Variants in CATSPERB observed in about 807,000 individuals in gnomAD.
CATSPERB encodes cation channel sperm-associated auxiliary subunit beta.
CATSPERB carries 93 observed loss-of-function variants against 128.3 expected under a neutral mutation model. That is an observed-to-expected ratio of 0.72 (90% CI 0.61 to 0.86). The LOEUF is 0.86. CATSPERB is among the 40% of genes least tolerant of loss of function. The pLI is 0.00. For synonymous variants in CATSPERB, 381 were observed against 448.8 expected (o/e 0.85, Z 1.91); for missense variants, 1,153 against 1,329.5 (o/e 0.87, Z 2.06).
chr14:91,700,086 C>T (rs746889931), intron 7 of CATSPERB, among the ~76,000 whole-genome samples: 8 of 151,954 alleles, frequency 5.3e-5, no homozygotes, highest in Non-Finnish European at 1.0e-4. Context: ...CTCCTTTTGT[C>T]CCCCACCCCT....
At chr14:91,662,717 A>T (rs1704684) in intron 14 of CATSPERB, among the ~76,000 whole-genome samples, 140,966 of 152,304 alleles carry the variant, frequency 0.93, 65,339 homozygotes, top group African/African-American at 0.97. Flanking sequence ...TTTTGTATCG[A>T]CAGAATTTAT....
At position 91,599,512 on chromosome 14, in the gene CATSPERB, T is replaced by C. The variant is rs1893571472; in HGVS notation, c.2710-7510A>G. On this transcript the variant is annotated intron_variant, in intron 22 of 26. Coordinates refer to ENST00000256343, the MANE Select transcript of CATSPERB (RefSeq NM_024764.4). ...AAGCGGAGCTTGCAGTGAGCTGAGA[T>C]TGTGCCACTGCACTCCAGCCTGGGC... is the stretch of plus-strand genomic sequence containing the variant. 1.4e-5 allele frequency among the ~76,000 whole-genome samples: 2 copies of C among 144,282 alleles called. 1 individual carries two copies. The highest frequency in any genetic ancestry group is 4.1e-4 in the East Asian group (2 of 4,918). The allele number at this position is 144,282 out of a possible 152,430, so 94.7% of individuals were successfully genotyped here.
At chr14:91,581,260 A>T (rs759384348) in intron 26 of CATSPERB, among the ~76,000 whole-genome samples, 153 bp from the exon 27 acceptor site, 67 of 152,248 alleles carry the variant, frequency 4.4e-4, no homozygotes, top group Non-Finnish European at 3.2e-4. Flanking sequence ...CAGTCTCTTG[A>T]CAGTTGAACA....
chr14:91,715,209 G>A (rs189615987), intron 5 of CATSPERB: 1 of 151,990 alleles, frequency 6.6e-6, no homozygotes, highest in Non-Finnish European at 1.5e-5. Flanking sequence ...TTAAAAAGAT[G>A]TAAACAAATG....
intron 5 of CATSPERB, among the ~76,000 whole-genome samples, chr14:91,713,343 C>T (rs1290120981): frequency 1.3e-5 from 2 of 151,520 alleles, no homozygotes; most frequent in African/African-American, 2.4e-5. Flanking sequence ...TAAAGAGTGA[C>T]AACTGATGAA....
At chr14:91,621,351 G>A (rs1039054177) in intron 19 of CATSPERB, among the ~76,000 whole-genome samples, 5 of 152,212 alleles carry the variant, frequency 3.3e-5, no homozygotes, top group African/African-American at 1.2e-4. Flanking sequence ...AGTGATCCAA[G>A]ACTGTGCCAC....
At chr14:91,639,994 A>G (rs1894462063) in intron 15 of CATSPERB, among the ~76,000 whole-genome samples, 1 of 152,002 alleles carries the variant, frequency 6.6e-6, no homozygotes, top group African/African-American at 2.4e-5. Context: ...TTTTAAATCC[A>G]TCTTTAGATG....
chr14:91,589,445 T>G, intron 24 of CATSPERB, 89 bp downstream of exon 24: 1 of 1,315,702 alleles, frequency 7.6e-7, no homozygotes, highest in Non-Finnish European at 1.0e-6. Context: ...CTCTTTTGTG[T>G]GAACAGGCTT....
At chr14:91,681,748 G>A (rs1256583832) in intron 11 of CATSPERB, among the ~76,000 whole-genome samples, 1 of 152,106 alleles carries the variant, frequency 6.6e-6, no homozygotes, top group African/African-American at 2.4e-5. Context: ...GACCTGACTG[G>A]CAGCTAGTCA....
intron 22 of CATSPERB, among the ~76,000 whole-genome samples, chr14:91,598,355 T>C (rs1302123066): frequency 6.6e-6 from 1 of 152,078 alleles, no homozygotes; most frequent in African/African-American, 2.4e-5. Context: ...CTACAATATA[T>C]ATTTATTGGA....
Position 91,691,255 on chromosome 14 carries a change from G to A in CATSPERB, c.864+268C>T, listed in dbSNP as rs184864759. Among the ~76,000 whole-genome samples, 321 of 152,218 alleles carry A rather than the reference G, an allele frequency of 2.1e-3. 9 individuals are homozygous for A. Among genetic ancestry groups the A allele is most frequent in the Middle Eastern group, 3.4e-3 (1 of 294 alleles). ...CTAGCCTGGACATAGCATAGGAAACGGGGTGGGGGTGACCTCTGAAACAGG... is the reference window on the plus strand; with the variant it reads ...CTAGCCTGGACATAGCATAGGAAACAGGGTGGGGGTGACCTCTGAAACAGG... On this transcript the variant is annotated intron_variant, in intron 10 of 26. Coordinates refer to ENST00000256343, the MANE Select transcript of CATSPERB (RefSeq NM_024764.4).
At chr14:91,718,661 A>G (rs1012571853) in intron 5 of CATSPERB, among the ~76,000 whole-genome samples, 1 of 152,240 alleles carries the variant, frequency 6.6e-6, no homozygotes, top group Non-Finnish European at 1.5e-5. Flanking sequence ...AAATAAATAT[A>G]GATTTACAGA....
rs775334327 is a variant in CATSPERB at position 91,610,607 on chromosome 14, G to C, written c.2471C>G (p.Thr824Arg). The C allele has an allele frequency of 2.5e-6, 4 of 1,613,192 alleles. No individual in the cohort carries two copies. In the Admixed American group the frequency reaches 6.7e-5, roughly 27 times the overall value. The part of the protein sequence containing the change: ...TECFVTTMVP[T>R]LKSSCSYLRS... ...GAGATAACTACAGCTGCTTTTCAGT[G>C]TTGGCACCATTGTCGTAACAAAGCA... The change falls in exon 21 of 27, where the codon ACA (threonine) becomes AGA (arginine). Residue 824 changes from threonine (T) to arginine (R), a missense_variant. Physicochemically the swap from Thr to Arg is moderately conservative, Grantham distance 71. Coordinates refer to ENST00000256343, the MANE Select transcript of CATSPERB (RefSeq NM_024764.4).
chr14:91,683,783 G>A (rs1174519230), intron 11 of CATSPERB, 94 bp downstream of exon 11: 4 of 760,926 alleles, frequency 5.3e-6, no homozygotes, highest in Non-Finnish European at 8.3e-6. Flanking sequence ...AGTTTGGAAT[G>A]GTCTTAAAAG....
rs556693939 is a variant in CATSPERB, at chr14:91,659,724, C to A, written c.1432+113G>T. ...TTCTGTAGATCCTACAAATCCATCA[C>A]CCCTAATAGTTTTGAGGTCTTAGGA... On this transcript the variant is annotated intron_variant, in intron 15 of 26. Transcript: ENST00000256343. The A allele has an allele frequency of 3.6e-5, 36 of 996,398 alleles. No individual in the cohort carries two copies. In the African/African-American group the frequency reaches 4.3e-4, roughly 12 times the overall value. 61.7% of individuals were successfully genotyped at this position (996,398 alleles called of 1,614,324 possible).
chr14:91,646,304 C>G (rs1894603958), intron 15 of CATSPERB: 1 of 152,938 alleles, frequency 6.5e-6, no homozygotes, highest in Non-Finnish European at 1.5e-5. Flanking sequence ...TGACTCTAGC[C>G]TCATGATATA....
At chr14:91,666,508 A>T (rs1894986107) in intron 14 of CATSPERB, among the ~76,000 whole-genome samples, 1 of 152,194 alleles carries the variant, frequency 6.6e-6, no homozygotes, top group Non-Finnish European at 1.5e-5. Flanking sequence ...CATCACAGAG[A>T]GAGCAGGGAT....
intron 13 of CATSPERB, among the ~76,000 whole-genome samples, chr14:91,671,004 A>C (rs926859233): frequency 1.4e-4 from 22 of 152,056 alleles, no homozygotes; most frequent in Non-Finnish European, 2.9e-4. Context: ...GTCTCAAAAC[A>C]AAAAAATGCC....
chr14:91,613,515 A>G (rs1237639231), intron 20 of CATSPERB, among the ~76,000 whole-genome samples: 1 of 152,226 alleles, frequency 6.6e-6, no homozygotes, highest in Non-Finnish European at 1.5e-5. Flanking sequence ...AATGTTTTAG[A>G]TATGCTATTT....
Sources: allele counts gnomAD v4.1 joint callset (sites outside exome capture counted in the v4.1 genomes callset), GRCh38; gene constraint gnomAD v4.1.1; transcripts MANE v1.5; gene names NCBI Gene and HGNC (gene_info 2026-07-23, HGNC 2026-07-21).